Variants in CADPS observed in about 807,000 individuals in gnomAD.
The protein encoded by CADPS is calcium-dependent secretion activator 1.
A neutral mutation model predicts 167.3 loss-of-function variants in CADPS; 57 were observed. The ratio of observed to expected loss-of-function variants is 0.34; its 90% CI spans 0.28 to 0.42. The LOEUF (loss-of-function observed/expected upper bound fraction) is 0.42, where lower values mean the gene tolerates loss of function less well. CADPS is among the 20% of genes least tolerant of loss of function. The pLI, the probability that CADPS is intolerant of heterozygous loss-of-function variation, is 1.00. For synonymous variants in CADPS, 676 were observed against 635.3 expected (o/e 1.06, Z -0.96); for missense variants, 1,414 against 1,738.1 (o/e 0.81, Z 3.32).
At chr3:62,533,618 A>G (rs1214247722) in intron 12 of CADPS, among the ~76,000 whole-genome samples, 1 of 152,216 alleles carries the variant, frequency 6.6e-6, no homozygotes, top group African/African-American at 2.4e-5. Context: ...AAACAGAGGC[A>G]GGACTCAAAT....
At chr3:62,400,443 G>A (rs1188486929) in intron 29 of CADPS, among the ~76,000 whole-genome samples, 2 of 151,730 alleles carry the variant, frequency 1.3e-5, no homozygotes, top group East Asian at 1.9e-4. Flanking sequence ...TTTTTAAAAG[G>A]TCTCTAACTA....
rs769070371 is a variant in CADPS, at chr3:62,398,449, T to C, written c.*957A>G. ...CAAAAGCAAGATGGATCCACTACTT[T>C]ACATGGAAAGAAATAGCTCTGCAGC... is the stretch of plus-strand genomic sequence containing the variant. On this transcript the variant is annotated 3_prime_UTR_variant, in exon 30 of 30. Coordinates refer to ENST00000383710, the MANE Select transcript of CADPS (RefSeq NM_003716.4). 6.6e-6 allele frequency: 1 copy of C among 152,610 alleles called. No homozygotes were observed. The highest frequency in any genetic ancestry group is 1.5e-5 in the Non-Finnish European group (1 of 68,032). The allele number at this position is 152,610 out of a possible 1,614,324, so 9.5% of individuals were successfully genotyped here. A position where few individuals can be genotyped will look rare whatever the true frequency, so the allele number is the denominator to read the frequency against.
intron 6 of CADPS, among the ~76,000 whole-genome samples, chr3:62,628,373 A>G (rs1206438750): frequency 6.6e-6 from 1 of 152,216 alleles, no homozygotes; most frequent in Non-Finnish European, 1.5e-5. Flanking sequence ...AATTACAGAG[A>G]TCTTAATATA....
intron 1 of CADPS, among the ~76,000 whole-genome samples, chr3:62,860,337 T>A (rs1485338616): frequency 2.0e-5 from 3 of 152,196 alleles, no homozygotes; most frequent in Non-Finnish European, 4.4e-5. Flanking sequence ...CAAAATCTCC[T>A]ATTCTCTTAA....
intron 1 of CADPS, among the ~76,000 whole-genome samples, chr3:62,798,184 G>A (rs1320017265): frequency 1.3e-5 from 2 of 152,184 alleles, no homozygotes; most frequent in Non-Finnish European, 1.5e-5. Context: ...GGGTGTGTCT[G>A]TGAGGGTGGT....
intron 6 of CADPS, among the ~76,000 whole-genome samples, chr3:62,628,630 T>TA: frequency 6.6e-6 from 1 of 150,816 alleles, no homozygotes; most frequent in South Asian, 2.1e-4. Context: ...TGAGCCTTTT[T>TA]TTTTTCTTTT....
At chr3:62,582,885 A>G (rs2083717446) in intron 8 of CADPS, among the ~76,000 whole-genome samples, 2 of 152,240 alleles carry the variant, frequency 1.3e-5, no homozygotes, top group Admixed American at 1.3e-4. Context: ...AATCCAAATC[A>G]GGTAGTTCAG....
intron 1 of CADPS, among the ~76,000 whole-genome samples, chr3:62,852,180 A>T (rs1277056836): frequency 2.7e-5 from 4 of 149,540 alleles, no homozygotes; most frequent in African/African-American, 9.9e-5. Flanking sequence ...ATTCTTCTAA[A>T]TTTTTTTCAA....
chr3:62,590,626 T>C (rs1379734947), intron 7 of CADPS, among the ~76,000 whole-genome samples: 4 of 151,968 alleles, frequency 2.6e-5, no homozygotes, highest in African/African-American at 4.8e-5. Flanking sequence ...GAAAGCCAGA[T>C]TGGAAAAATG....
At chr3:62,853,629 A>T (rs2079059867) in intron 1 of CADPS, among the ~76,000 whole-genome samples, 1 of 151,066 alleles carries the variant, frequency 6.6e-6, no homozygotes, top group Non-Finnish European at 1.5e-5. Flanking sequence ...CCACTAAAAA[A>T]AAAAAAAAAA....
chr3:62,738,269 T>A (rs899124048), intron 3 of CADPS, among the ~76,000 whole-genome samples: 4 of 152,202 alleles, frequency 2.6e-5, no homozygotes. Context: ...AGCTAGTACT[T>A]CTTGATGACA....
chr3:62,467,350 A>C, intron 24 of CADPS: 1 of 1,216,172 alleles, frequency 8.2e-7, no homozygotes, highest in Non-Finnish European at 1.1e-6. Flanking sequence ...AGAAAAAAAA[A>C]GGAACAGTGC....
At chr3:62,736,446 T>G (rs1246634948) in intron 3 of CADPS, among the ~76,000 whole-genome samples, 1 of 152,210 alleles carries the variant, frequency 6.6e-6, no homozygotes, top group Non-Finnish European at 1.5e-5. Context: ...TCTTGGACAC[T>G]TAAACAATCA....
intron 3 of CADPS, among the ~76,000 whole-genome samples, chr3:62,673,761 A>C (rs1227818172): frequency 6.6e-6 from 1 of 152,180 alleles, no homozygotes; most frequent in Non-Finnish European, 1.5e-5. Flanking sequence ...GGAAATGGTC[A>C]CTTTTTCAAA....
At chr3:62,671,014 T>A (rs1284091098) in intron 3 of CADPS, among the ~76,000 whole-genome samples, 1 of 152,182 alleles carries the variant, frequency 6.6e-6, no homozygotes, top group East Asian at 1.9e-4. Context: ...AGATCTGGCT[T>A]CACATCCTTG....
chr3:62,492,320 G>A lies in CADPS; in HGVS notation c.2854C>T (p.Gln952Ter). The A allele has an allele frequency of 6.2e-7, 1 of 1,614,056 alleles. No individual in the cohort carries two copies. Among genetic ancestry groups the A allele is most frequent in the Non-Finnish European group, 8.5e-7 (1 of 1,179,922 alleles). ...GTACGGAGAAAATCATTCAGCAGCTGAAATAGTGGAAAACTGTCCCATGTG... is the reference window on the plus strand; with the variant it reads ...GTACGGAGAAAATCATTCAGCAGCTAAAATAGTGGAAAACTGTCCCATGTG... ...PDTWDSFPLF[Q>*]LLNDFLRTDY... The change falls in exon 20 of 30, where the codon CAG (glutamine) becomes TAG (stop). Residue 952 changes from glutamine (Q) to a stop codon, truncating the protein, a stop_gained. Coordinates refer to ENST00000383710, the MANE Select transcript of CADPS (RefSeq NM_003716.4). LOFTEE classifies it high-confidence loss of function.
chr3:62,758,983 C>A (rs1451683491), intron 2 of CADPS, among the ~76,000 whole-genome samples: 2 of 152,202 alleles, frequency 1.3e-5, no homozygotes, highest in African/African-American at 4.8e-5. Context: ...AAAAGCATAT[C>A]CTTTCAATAT....
At chr3:62,571,834 G>T (rs1054163529) in intron 8 of CADPS, among the ~76,000 whole-genome samples, 1 of 152,150 alleles carries the variant, frequency 6.6e-6, no homozygotes, top group Admixed American at 6.5e-5. Context: ...AAAGTGCTGG[G>T]ATTACAGGCG....
chr3:62,498,380 G>T (rs775085804), intron 18 of CADPS, among the ~76,000 whole-genome samples: 9 of 152,140 alleles, frequency 5.9e-5, no homozygotes, highest in Non-Finnish European at 1.2e-4. Flanking sequence ...TGTAGAGAAA[G>T]GGGGAGAATT....
Sources: gnomAD v4.1 joint callset for allele counts (sites outside exome capture counted in the v4.1 genomes callset) on GRCh38, gnomAD v4.1.1 for gene constraint, MANE v1.5 for transcripts, NCBI Gene and HGNC (gene_info 2026-07-23, HGNC 2026-07-21) for gene names.